JAZF1: variants seen among roughly 807,000 people sequenced by gnomAD.
The protein encoded by JAZF1 is JAZF zinc finger 1.
Under a neutral mutation model 26.4 loss-of-function variants are expected in JAZF1, and 8 were observed. The observed-to-expected ratio is 0.30, with a 90% CI of 0.18 to 0.55. The LOEUF (loss-of-function observed/expected upper bound fraction) is 0.55. Ranked by LOEUF, JAZF1 falls within the 20% of genes least tolerant of loss-of-function variation. The pLI is 0.94. For missense variants in JAZF1, 199 were observed against 322.0 expected, an observed-to-expected ratio of 0.62 and a Z score of 2.92; for synonymous variants, 126 against 122.3, an observed-to-expected ratio of 1.03 and a Z score of -0.20.
At chr7:28,103,592 A>G (rs1784506769) in intron 1 of JAZF1, among the ~76,000 whole-genome samples, 1 of 152,046 alleles carries the variant, frequency 6.6e-6, no homozygotes, top group Admixed American at 6.6e-5. Context: ...CCCTCATCTT[A>G]GCGAATGCCA....
At chr7:27,857,432 C>T (rs1783289891) in intron 3 of JAZF1, among the ~76,000 whole-genome samples, 1 of 152,164 alleles carries the variant, frequency 6.6e-6, no homozygotes, top group Admixed American at 6.5e-5. Flanking sequence ...CTGGCTCTGG[C>T]CTTGGCCAGC....
intron 3 of JAZF1, among the ~76,000 whole-genome samples, chr7:27,883,616 G>A (rs555356162): frequency 1.2e-3 from 178 of 152,274 alleles, no homozygotes; most frequent in African/African-American, 4.2e-3. Flanking sequence ...GCTCAACATG[G>A]ACTGAACCTG....
At chr7:27,981,364 A>T (rs1424004456) in intron 2 of JAZF1, among the ~76,000 whole-genome samples, 2 of 152,226 alleles carry the variant, frequency 1.3e-5, no homozygotes, top group Non-Finnish European at 2.9e-5. Flanking sequence ...TATCTCTTCA[A>T]CAAGTTATTG....
intron 1 of JAZF1, among the ~76,000 whole-genome samples, chr7:28,082,109 G>A (rs936106706): frequency 1.3e-5 from 2 of 152,152 alleles, no homozygotes; most frequent in African/African-American, 4.8e-5. Flanking sequence ...ATGATTATGA[G>A]AAAGTATCTG....
At chr7:28,125,681 C>T (rs1474139815) in intron 1 of JAZF1, among the ~76,000 whole-genome samples, 3 of 152,056 alleles carry the variant, frequency 2.0e-5, no homozygotes, top group African/African-American at 7.3e-5. Flanking sequence ...AGGATATTCC[C>T]TTGGAAGGAC....
At chr7:28,147,786 G>C (rs893909540) in intron 1 of JAZF1, among the ~76,000 whole-genome samples, 8 of 151,910 alleles carry the variant, frequency 5.3e-5, no homozygotes, top group African/African-American at 1.7e-4. Flanking sequence ...GGAGTGGGCT[G>C]GGGGGAGGGG....
At chr7:28,028,038 A>C (rs1783122267) in intron 1 of JAZF1, among the ~76,000 whole-genome samples, 1 of 152,182 alleles carries the variant, frequency 6.6e-6, no homozygotes, top group African/African-American at 2.4e-5. Context: ...TTTATTCTCT[A>C]TATTTTCTAA....
intron 2 of JAZF1, among the ~76,000 whole-genome samples, chr7:27,966,400 G>T (rs1314500395): frequency 1.3e-5 from 2 of 152,194 alleles, no homozygotes; most frequent in Non-Finnish European, 2.9e-5. Flanking sequence ...GCGGTGATGA[G>T]GGAATTGGGG....
chr7:27,871,915 G>T (rs2128338061), intron 3 of JAZF1, among the ~76,000 whole-genome samples: 1 of 152,278 alleles, frequency 6.6e-6, no homozygotes, highest in African/African-American at 2.4e-5. Flanking sequence ...GGAGAAAGTG[G>T]TGGTACTATC....
rs150152886 is a variant in JAZF1 at position 27,901,195 on chromosome 7, T to A, written c.189-5779A>T. Among the ~76,000 whole-genome samples, 3 of 152,352 alleles carry A rather than the reference T, an allele frequency of 2.0e-5. No individual in the cohort carries two copies. The East Asian group carries it at 5.8e-4, about 29-fold the overall frequency. On this transcript the variant is annotated intron_variant, in intron 2 of 4. Transcript: ENST00000283928. ...TTTGAAACTGAAACTGCTGTAAGAT[T>A]AATTTCAACTTCCCTACAAATCAGA...
intron 1 of JAZF1, among the ~76,000 whole-genome samples, chr7:28,076,406 C>G (rs533653111): frequency 6.6e-6 from 1 of 152,254 alleles, no homozygotes; most frequent in South Asian, 2.1e-4. Context: ...ACCACCCATA[C>G]ACTTGGGGTA....
At chr7:27,894,333 G>GT (rs1784023376) in intron 3 of JAZF1, among the ~76,000 whole-genome samples, 2 of 152,320 alleles carry the variant, frequency 1.3e-5, no homozygotes, top group African/African-American at 4.8e-5. Flanking sequence ...GCACCCAGCT[G>GT]AAGTTCTAGT....
At chr7:27,915,125 T>C (rs1784425358) in intron 2 of JAZF1, among the ~76,000 whole-genome samples, 1 of 152,220 alleles carries the variant, frequency 6.6e-6, no homozygotes, top group African/African-American at 2.4e-5. Context: ...GACTCCCTTC[T>C]TTATTAAACT....
chr7:28,098,402 C>T (rs1170107170), intron 1 of JAZF1, among the ~76,000 whole-genome samples: 1 of 152,040 alleles, frequency 6.6e-6, no homozygotes, highest in Non-Finnish European at 1.5e-5. Flanking sequence ...CAACCTAAGA[C>T]ACTTCCTGAG....
intron 1 of JAZF1, among the ~76,000 whole-genome samples, chr7:28,122,700 G>A (rs550114442): frequency 6.6e-6 from 1 of 152,098 alleles, no homozygotes; most frequent in African/African-American, 2.4e-5. Context: ...GGGCAATCCC[G>A]GAACACCAAC....
In JAZF1 at chr7:28,030,494, T is replaced by G. The variant is rs548723499; in HGVS notation, c.116-38513A>C. Among the ~76,000 whole-genome samples the G allele has an allele frequency of 5.3e-5, 8 of 152,296 alleles. No homozygotes were observed. In the East Asian group the frequency reaches 1.5e-3, roughly 29 times the overall value. ...TGACCAGGTAAACCTCCATGGTAAA[T>G]GTGACTTGTTATGGATAACTCTGCA... On this transcript the variant is annotated intron_variant, in intron 1 of 4. Transcript: ENST00000283928.
At chr7:27,908,674 C>T (rs1448700111) in intron 2 of JAZF1, among the ~76,000 whole-genome samples, 13 of 152,158 alleles carry the variant, frequency 8.5e-5, no homozygotes, top group African/African-American at 3.1e-4. Context: ...AGAAGGGGCC[C>T]AGTTTACCTA....
Position 27,831,848 on chromosome 7 carries a change from A to T in JAZF1, c.*952T>A, listed in dbSNP as rs1411608251. The T allele has an allele frequency of 4.6e-6, 1 of 219,498 alleles. No individual in the cohort carries two copies. The highest frequency in any genetic ancestry group is 9.1e-6 in the Non-Finnish European group (1 of 109,342). 13.6% of individuals were successfully genotyped at this position (219,498 alleles called of 1,614,324 possible). On this transcript the variant is annotated 3_prime_UTR_variant, in exon 5 of 5. Transcript: ENST00000283928. ...GGTTGCAAGAATTGGCAACACATAA[A>T]CATTAAATTGTTGGCAATAGAGAAC... is the stretch of plus-strand genomic sequence containing the variant.
At chr7:28,126,758 C>T (rs1782698433) in intron 1 of JAZF1, among the ~76,000 whole-genome samples, 1 of 152,058 alleles carries the variant, frequency 6.6e-6, no homozygotes, top group Non-Finnish European at 1.5e-5. Context: ...GAGCAAAAGT[C>T]TGCCATGTGA....
Sources: gnomAD v4.1 joint callset for allele counts (sites outside exome capture counted in the v4.1 genomes callset) on GRCh38, gnomAD v4.1.1 for gene constraint, MANE v1.5 for transcripts, NCBI Gene and HGNC (gene_info 2026-07-23, HGNC 2026-07-21) for gene names.